Variants in UBR4 observed in about 807,000 individuals in gnomAD.
The protein encoded by UBR4 is ubiquitin protein ligase E3 component n-recognin 4.
UBR4 carries 124 observed loss-of-function variants against 575.6 expected under a neutral mutation model. That is an observed-to-expected ratio of 0.22 (90% confidence interval 0.19 to 0.25). The LOEUF (loss-of-function observed/expected upper bound fraction) is 0.25. UBR4 is among the 10% of genes least tolerant of loss of function. The pLI is 1.00. For synonymous variants in UBR4, 2,455 were observed against 2,473.7 expected, an observed-to-expected ratio of 0.99 and a Z score of 0.22; for missense variants, 4,818 against 6,478.8, an observed-to-expected ratio of 0.74 and a Z score of 8.80.
At chr1:19,209,969 T>C in intron 1 of UBR4, 104 bp downstream of exon 1, 1 of 1,338,264 alleles carries the variant, frequency 7.5e-7, no homozygotes, top group Non-Finnish European at 9.6e-7. Context: ...GTGGCGGGGA[T>C]CCTCAAGGGG....
chr1:19,087,117 C>A (rs2077089900), intron 99 of UBR4, among the ~76,000 whole-genome samples: 1 of 152,258 alleles, frequency 6.6e-6, no homozygotes, highest in South Asian at 2.1e-4. Context: ...TTACTTTGTG[C>A]TTCATCTGTC....
chr1:19,202,003 G>T (rs552760780), intron 1 of UBR4, among the ~76,000 whole-genome samples, 188 bp from the exon 2 acceptor site: 1 of 152,214 alleles, frequency 6.6e-6, no homozygotes, highest in African/African-American at 2.4e-5. Context: ...GACCAGCTTG[G>T]CCAGTATGGT....
At chr1:19,187,078 A>T (rs1447678654) in intron 13 of UBR4, 86 bp downstream of exon 13, 8 of 85,876 alleles carry the variant, frequency 9.3e-5, no homozygotes, top group East Asian at 1.1e-3. Context: ...AGAAAGTTTT[A>T]TATATATATA....
chr1:19,145,215 G>A (rs1291670217), intron 53 of UBR4, among the ~76,000 whole-genome samples: 2 of 152,182 alleles, frequency 1.3e-5, no homozygotes, highest in Non-Finnish European at 2.9e-5. Context: ...GAGGAAGGCA[G>A]ATACTAAATG....
chr1:19,147,963 G>A, intron 51 of UBR4, 30 bp downstream of exon 51: 1 of 1,605,118 alleles, frequency 6.2e-7, no homozygotes, highest in Non-Finnish European at 8.5e-7. Context: ...TGTCAGCACT[G>A]CAATTTCCTT....
chr1:19,167,062 C>G lies in UBR4; in HGVS notation c.4069G>C (p.Gly1357Arg), dbSNP rs1165272560. 3.7e-6 allele frequency: 6 copies of G among 1,614,076 alleles called. No individual in the cohort carries two copies. Among genetic ancestry groups the G allele is most frequent in the East Asian group, 4.5e-5 (2 of 44,898 alleles). ...LARVYEKLIT[G>R]CYNILANHAD... ...TGATTGGCCAGAATGTTGTAACAAC[C>G]AGTGATCAGCTTCTCATAAACACGA... Residue 1357 changes from glycine (G) to arginine (R), a missense_variant, in exon 29 of 106, where the codon GGT (glycine) becomes CGT (arginine). By Grantham distance (125) the Gly-to-Arg change is moderately radical. Coordinates refer to ENST00000375254, the MANE Select transcript of UBR4 (RefSeq NM_020765.3).
At chr1:19,080,755 G>A (rs1570146212) in intron 103 of UBR4, 1 of 152,546 alleles carries the variant, frequency 6.6e-6, no homozygotes, top group Non-Finnish European at 1.5e-5. Flanking sequence ...TGTGGTGGCA[G>A]TTTCCAGCTG....
intron 2 of UBR4, among the ~76,000 whole-genome samples, chr1:19,201,370 C>CCAGA (rs1412754258): frequency 6.6e-6 from 1 of 152,124 alleles, no homozygotes; most frequent in Admixed American, 6.6e-5. Context: ...GCTGCTAACT[C>CCAGA]CAGAGGTCAG....
rs563064535 is a variant in UBR4 at position 19,152,208 on chromosome 1, T to C, written c.6996+105A>G. ...TAACTAGAACCGAGGGTTGTGACTGTGAGTATATACTCTATACTTGCTTTC... is the reference window on the plus strand; with the variant it reads ...TAACTAGAACCGAGGGTTGTGACTGCGAGTATATACTCTATACTTGCTTTC... On this transcript the variant is annotated intron_variant, in intron 47 of 105. Coordinates refer to ENST00000375254, the MANE Select transcript of UBR4 (RefSeq NM_020765.3). The surrounding 1 kb of genome is among the most constrained non-coding windows in gnomAD (Gnocchi z 4.4). The C allele has an allele frequency of 2.1e-6, 3 of 1,407,210 alleles. No homozygotes were observed. Among genetic ancestry groups the C allele is most frequent in the Non-Finnish European group, 2.9e-6 (3 of 1,027,140 alleles). The allele number at this position is 1,407,210 out of a possible 1,614,324, so 87.2% of individuals were successfully genotyped here.
At position 19,074,770 on chromosome 1, in the gene UBR4, G is replaced by A. The variant is rs2075757349; in HGVS notation, c.*62C>T. 2.5e-6 allele frequency: 4 copies of A among 1,570,358 alleles called. No individual in the cohort carries two copies. In the African/African-American group the frequency reaches 5.4e-5, roughly 21 times the overall value. On this transcript the variant is annotated 3_prime_UTR_variant, in exon 106 of 106. Transcript: ENST00000375254. ...CGGAGGGAACTTAATGCACAAGGAG[G>A]GAGAACAGAGGGTGGAAGGCAAGCC...
At chr1:19,107,680 G>A (rs114883286) in intron 81 of UBR4, among the ~76,000 whole-genome samples, 2,676 of 152,054 alleles carry the variant, frequency 0.018, 81 homozygotes, top group African/African-American at 0.061. Context: ...AGCTACTAAG[G>A]GGGCTGAGGC....
chr1:19,172,207 A>G (rs1463303905), intron 25 of UBR4, among the ~76,000 whole-genome samples: 5 of 151,948 alleles, frequency 3.3e-5, no homozygotes, highest in Non-Finnish European at 7.4e-5. Flanking sequence ...CTCCAACTAC[A>G]TATCATCACA....
Position 19,124,386 on chromosome 1 carries a change from A to G in UBR4, c.9588+155T>C. ...CACATCTCCCACAGTTCTACCACAC[A>G]GTATGTTCCAGAAGGGCAAGACCAA... On this transcript the variant is annotated intron_variant, in intron 65 of 105. Transcript: ENST00000375254. 4 of 934,538 alleles carry G rather than the reference A, an allele frequency of 4.3e-6. No homozygotes were observed. The East Asian group carries it at 1.1e-4, about 25-fold the overall frequency. 57.9% of individuals were successfully genotyped at this position (934,538 alleles called of 1,614,324 possible).
In UBR4 at chr1:19,119,498, CAA is replaced by C. The variant is rs2080944525; in HGVS notation, c.10455+57_10455+58del. 1.9e-6 allele frequency: 3 copies of C among 1,578,992 alleles called. No individual in the cohort carries two copies. The African/African-American group carries it at 4.1e-5, about 21-fold the overall frequency. On this transcript the variant is annotated intron_variant, in intron 70 of 105. Transcript: ENST00000375254. ...TGGGTTGTTCATAATATTCTTAACT[CAA>C]GAGAAAAAAGGTTAAATATGGCAAG...
At chr1:19,097,005 T>C (rs529339494) in intron 91 of UBR4, among the ~76,000 whole-genome samples, 188 bp downstream of exon 91, 2 of 152,174 alleles carry the variant, frequency 1.3e-5, no homozygotes, top group East Asian at 3.9e-4. Flanking sequence ...TTTTTTTTTT[T>C]TGAACACTCA....
intron 65 of UBR4, among the ~76,000 whole-genome samples, chr1:19,123,732 G>C (rs930436533): frequency 2.0e-5 from 3 of 152,172 alleles, no homozygotes; most frequent in African/African-American, 7.2e-5. Flanking sequence ...CTAAAGAGAA[G>C]ATTGGGTTGG....
rs2092757625 is a variant in UBR4, at chr1:19,201,819, T to G, written c.177-4A>C. ...ATGGTGCAGGATTTCTGATTCACTG[T>G]AAAAATAATAATAATTCAGCCAGCA... On this transcript the variant is annotated splice_polypyrimidine_tract_variant and splice_region_variant and intron_variant, in intron 1 of 105. Transcript: ENST00000375254. The G allele has an allele frequency of 6.2e-7, 1 of 1,613,038 alleles. No individual in the cohort carries two copies. The highest frequency in any genetic ancestry group is 8.5e-7 in the Non-Finnish European group (1 of 1,179,260).
At chr1:19,141,980 C>T (rs919730883) in intron 55 of UBR4, among the ~76,000 whole-genome samples, 4 of 152,170 alleles carry the variant, frequency 2.6e-5, no homozygotes, top group Non-Finnish European at 2.9e-5. Flanking sequence ...GAGTTGGCTG[C>T]GACAGCTTGC....
chr1:19,083,422 G>A (rs888698948), intron 102 of UBR4, among the ~76,000 whole-genome samples: 1 of 152,208 alleles, frequency 6.6e-6, no homozygotes, highest in Non-Finnish European at 1.5e-5. Flanking sequence ...GCAGCTACCC[G>A]GGGTGAGCTG....
Sources: allele counts gnomAD v4.1 joint callset (sites outside exome capture counted in the v4.1 genomes callset), GRCh38; gene constraint gnomAD v4.1.1; non-coding constraint Gnocchi (gnomAD v3.1); transcripts MANE v1.5; gene names NCBI Gene and HGNC (gene_info 2026-07-23, HGNC 2026-07-21).